Variants in ITSN1 observed in about 807,000 individuals in gnomAD.
The protein encoded by ITSN1 is intersectin 1, also known as intersectin-1.
Under a neutral mutation model 239.8 loss-of-function variants are expected in ITSN1, and 58 were observed. That is an observed-to-expected ratio of 0.24 (90% CI 0.20 to 0.30). The LOEUF (loss-of-function observed/expected upper bound fraction) is 0.30, where lower values mean the gene tolerates loss of function less well. Ranked by LOEUF, ITSN1 falls within the 10% of genes least tolerant of loss-of-function variation. The pLI, the probability that ITSN1 is intolerant of heterozygous loss-of-function variation, is 1.00. For missense variants in ITSN1, 1,558 were observed against 2,103.3 expected (o/e 0.74, Z 5.07); for synonymous variants, 780 against 770.8 (o/e 1.01, Z -0.20).
chr21:33,883,646 C>T lies in ITSN1; in HGVS notation c.4651C>T (p.Leu1551Phe). Residue 1551 changes from leucine to phenylalanine, a missense_variant, in exon 36 of 40, where the codon CTC (leucine) becomes TTC (phenylalanine). By Grantham distance (22) the Leu-to-Phe change is conservative. Coordinates refer to ENST00000381318, the MANE Select transcript of ITSN1 (RefSeq NM_003024.3). ...HISHIDRVYT[L>F]RAESINERTA... Reference sequence around the variant, plus strand: ...CTCCCACATTGACCGCGTCTATACTCTCCGAGCAGAAAGCATAAATGAAAG... The same window carrying T: ...CTCCCACATTGACCGCGTCTATACTTTCCGAGCAGAAAGCATAAATGAAAG... 1.2e-6 allele frequency: 2 copies of T among 1,613,670 alleles called. No individual in the cohort carries two copies. Among genetic ancestry groups the T allele is most frequent in the Non-Finnish European group, 1.7e-6 (2 of 1,179,686 alleles).
intron 20 of ITSN1, among the ~76,000 whole-genome samples, chr21:33,810,107 C>T (rs1188910160): frequency 6.6e-6 from 1 of 152,084 alleles, no homozygotes; most frequent in African/African-American, 2.4e-5. Flanking sequence ...ATAAATTTCC[C>T]AATAGCAAAT....
intron 36 of ITSN1, among the ~76,000 whole-genome samples, chr21:33,883,894 GTTTTTTT>G (rs34448559): frequency 9.1e-6 from 1 of 109,778 alleles, no homozygotes; most frequent in African/African-American, 3.6e-5. Flanking sequence ...TTTTGCTTGA[GTTTTTTT>G]TTTTTTTTTT....
At chr21:33,886,988 A>G (rs1041914017) in intron 39 of ITSN1, among the ~76,000 whole-genome samples, 8 of 152,120 alleles carry the variant, frequency 5.3e-5, no homozygotes, top group Admixed American at 1.3e-4. Flanking sequence ...TCTCAGCCCA[A>G]TGATTCCAAG....
At chr21:33,746,889 C>T (rs2067217610) in intron 5 of ITSN1, among the ~76,000 whole-genome samples, 1 of 151,868 alleles carries the variant, frequency 6.6e-6, no homozygotes, top group Non-Finnish European at 1.5e-5. Context: ...AGCGGTGGCT[C>T]ACGGCTGTAA....
rs185054698 is a variant in ITSN1 at position 33,730,944 on chromosome 21, C to T, written c.186-4100C>T. Among the ~76,000 whole-genome samples, 447 of 148,798 alleles carry T rather than the reference C, an allele frequency of 3.0e-3. 4 individuals carry two copies. The highest frequency in any genetic ancestry group is 0.01 in the African/African-American group (421 of 40,238). ...CTCCTGACCTCAGGTGATCCACCTG[C>T]CTCGGCCTCCCAAAGTGCTGGGATT... On this transcript the variant is annotated intron_variant, in intron 4 of 39. Coordinates refer to ENST00000381318, the MANE Select transcript of ITSN1 (RefSeq NM_003024.3).
At chr21:33,684,859 T>C (rs1331273103) in intron 1 of ITSN1, among the ~76,000 whole-genome samples, 1 of 152,236 alleles carries the variant, frequency 6.6e-6, no homozygotes, top group Non-Finnish European at 1.5e-5. Context: ...ATTAAATTGC[T>C]GTCCTTGTGA....
chr21:33,800,453 C>T (rs1262451120), intron 19 of ITSN1, among the ~76,000 whole-genome samples: 1 of 152,104 alleles, frequency 6.6e-6, no homozygotes, highest in East Asian at 1.9e-4. Context: ...AAATCATTCT[C>T]ATAATTGCAA....
At chr21:33,656,093 C>T (rs1382870757) in intron 1 of ITSN1, among the ~76,000 whole-genome samples, 1 of 152,184 alleles carries the variant, frequency 6.6e-6, no homozygotes, top group Non-Finnish European at 1.5e-5. Context: ...GACTCACATA[C>T]CTGTCAAGTC....
chr21:33,657,549 G>A (rs2089195549), intron 1 of ITSN1, among the ~76,000 whole-genome samples: 1 of 152,078 alleles, frequency 6.6e-6, no homozygotes, highest in Non-Finnish European at 1.5e-5. Flanking sequence ...GTCTGTACCT[G>A]GAGCGGTGTC....
intron 16 of ITSN1, among the ~76,000 whole-genome samples, chr21:33,784,851 G>C (rs1219139548): frequency 1.3e-5 from 2 of 152,246 alleles, no homozygotes; most frequent in Non-Finnish European, 2.9e-5. Flanking sequence ...AGATAGGCCA[G>C]GAGGAGCCAG....
At chr21:33,708,161 C>A (rs2092306933) in intron 1 of ITSN1, among the ~76,000 whole-genome samples, 1 of 151,972 alleles carries the variant, frequency 6.6e-6, no homozygotes, top group Non-Finnish European at 1.5e-5. Flanking sequence ...GGTTTATTGC[C>A]CATTTCTAGA....
At chr21:33,782,889 G>T (rs766992283) in intron 16 of ITSN1, among the ~76,000 whole-genome samples, 6 of 152,092 alleles carry the variant, frequency 3.9e-5, no homozygotes, top group Non-Finnish European at 8.8e-5. Flanking sequence ...GCCGGGCATG[G>T]TGGTGGGCGC....
chr21:33,738,450 G>A (rs936619497), intron 5 of ITSN1, among the ~76,000 whole-genome samples: 1 of 151,850 alleles, frequency 6.6e-6, no homozygotes, highest in African/African-American at 2.4e-5. Context: ...CGCCCAGGCT[G>A]GAGTGCAGTG....
intron 1 of ITSN1, among the ~76,000 whole-genome samples, chr21:33,684,461 G>A (rs2834248): frequency 0.48 from 72,926 of 152,022 alleles, 18,885 homozygotes; most frequent in Middle Eastern, 0.59. Context: ...TTAAGGTTAA[G>A]GCAGTTTAAA....
At chr21:33,817,667 ACTGTTTTTTTCAT>A in intron 22 of ITSN1, 2 of 1,198,140 alleles carry the variant, frequency 1.7e-6, no homozygotes, top group Non-Finnish European at 2.1e-6. Context: ...GGAGGCAGAG[ACTGTTTTTTTCAT>A]CTGTAATCTC....
At chr21:33,857,316 G>A (rs1214972512) in intron 30 of ITSN1, among the ~76,000 whole-genome samples, 8 of 152,232 alleles carry the variant, frequency 5.3e-5, no homozygotes, top group Admixed American at 1.3e-4. Context: ...ACCTGTCACT[G>A]AGAATGGCAA....
chr21:33,751,861 A>G lies in ITSN1; in HGVS notation c.578A>G (p.Gln193Arg), dbSNP rs780534584. ...TTTAGTAGATCTGGTCCAGGGTCAC[A>G]ACTAAACACTAAATTACAAAAGGCA... ...SSFSRSGPGS[Q>R]LNTKLQKAQS... The change falls in exon 7 of 40, where the codon CAA (glutamine) becomes CGA (arginine). Residue 193 changes from glutamine to arginine, a missense_variant. Coordinates refer to ENST00000381318, the MANE Select transcript of ITSN1 (RefSeq NM_003024.3). 1.2e-6 allele frequency: 2 copies of G among 1,613,832 alleles called. No individual in the cohort carries two copies. Among genetic ancestry groups the G allele is most frequent in the Admixed American group, 3.3e-5 (2 of 60,018 alleles).
At chr21:33,792,365 C>T (rs534749659) in intron 16 of ITSN1, among the ~76,000 whole-genome samples, 8 of 152,048 alleles carry the variant, frequency 5.3e-5, no homozygotes, top group Admixed American at 3.9e-4. Flanking sequence ...CCACCATGCC[C>T]GGCTAATTTT....
rs750725563 is a variant in ITSN1, at chr21:33,876,102, C to CTTCT, written c.4341+630_4341+633dup. Among the ~76,000 whole-genome samples the CTTCT allele has an allele frequency of 8.8e-4, 97 of 110,212 alleles. 1 individual carries two copies. The highest frequency in any genetic ancestry group is 1.3e-3 in the Non-Finnish European group (68 of 51,700). The allele number at this position is 110,212 out of a possible 152,430, so 72.3% of individuals were successfully genotyped here. A position where few individuals can be genotyped will look rare whatever the true frequency, so the allele number is the denominator to read the frequency against. ...TTTTTCTTTCCTCTTTCTTTCTTTC[C>CTTCT]TTCTTTCTTTCTTTCTTTCTTTCTT... is the stretch of plus-strand genomic sequence containing the variant. On this transcript the variant is annotated intron_variant, in intron 34 of 39. Coordinates refer to ENST00000381318, the MANE Select transcript of ITSN1 (RefSeq NM_003024.3).
Sources: gnomAD v4.1 joint callset for allele counts (sites outside exome capture counted in the v4.1 genomes callset) on GRCh38, gnomAD v4.1.1 for gene constraint, MANE v1.5 for transcripts, NCBI Gene and HGNC (gene_info 2026-07-23, HGNC 2026-07-21) for gene names.